The following GOPC variants were observed in gnomAD, a reference collection of about 807,000 sequenced individuals.
GOPC encodes Golgi-associated PDZ and coiled-coil motif-containing protein.
Under a neutral mutation model 51.2 loss-of-function variants are expected in GOPC, and 32 were observed. The observed-to-expected ratio is 0.63, with a 90% CI of 0.47 to 0.84. GOPC has a LOEUF of 0.84. Ranked by LOEUF, GOPC falls within the 40% of genes least tolerant of loss-of-function variation. The pLI is 0.00. For missense variants in GOPC, 441 were observed against 555.5 expected, an observed-to-expected ratio of 0.79 and a Z score of 2.07; for synonymous variants, 190 against 205.1, an observed-to-expected ratio of 0.93 and a Z score of 0.63.
intron 8 of GOPC, among the ~76,000 whole-genome samples, 180 bp downstream of exon 8, chr6:117,566,674 G>A (rs1779703646): frequency 6.6e-6 from 1 of 152,050 alleles, no homozygotes; most frequent in African/African-American, 2.4e-5. Context: ...GAATATAGAA[G>A]AACATATATG....
chr6:117,591,317 C>G (rs1164614168), intron 1 of GOPC, among the ~76,000 whole-genome samples: 1 of 152,164 alleles, frequency 6.6e-6, no homozygotes, highest in Non-Finnish European at 1.5e-5. Context: ...AATAAGTTCA[C>G]AAAAAGATAA....
At chr6:117,574,460 A>AC (rs1473854953) in intron 4 of GOPC, among the ~76,000 whole-genome samples, 9 of 152,200 alleles carry the variant, frequency 5.9e-5, no homozygotes, top group Non-Finnish European at 8.8e-5. Flanking sequence ...ATTGTCATTA[A>AC]CTAAATACCA....
intron 1 of GOPC, among the ~76,000 whole-genome samples, chr6:117,596,886 T>C (rs1780205234): frequency 6.6e-6 from 1 of 152,166 alleles, no homozygotes; most frequent in Non-Finnish European, 1.5e-5. Flanking sequence ...TTTGGTTCCA[T>C]ATGAATTTTA....
chr6:117,575,076 C>T (rs544268002), intron 4 of GOPC, 101 bp downstream of exon 4: 1 of 954,208 alleles, frequency 1.0e-6, no homozygotes, highest in East Asian at 2.6e-5. Context: ...AAGACTCCAT[C>T]TCAAAAAAAT....
At chr6:117,582,200 A>G (rs1320256910) in intron 1 of GOPC, among the ~76,000 whole-genome samples, 1 of 147,798 alleles carries the variant, frequency 6.8e-6, no homozygotes, top group South Asian at 2.2e-4. Flanking sequence ...AGAGTTGTCC[A>G]TATTTTTCTT....
chr6:117,588,931 G>A (rs1780073023), intron 1 of GOPC, among the ~76,000 whole-genome samples: 1 of 152,038 alleles, frequency 6.6e-6, no homozygotes, highest in African/African-American at 2.4e-5. Context: ...AGGCTCATGT[G>A]GCTCCACCAT....
intron 1 of GOPC, among the ~76,000 whole-genome samples, chr6:117,601,178 TGTTA>T (rs1229207297): frequency 6.6e-6 from 1 of 152,192 alleles, no homozygotes; most frequent in Non-Finnish European, 1.5e-5. Context: ...TATGCAATAA[TGTTA>T]ATCTATCTTG....
chr6:117,597,966 C>T (rs1363550345), intron 1 of GOPC, among the ~76,000 whole-genome samples: 1 of 151,522 alleles, frequency 6.6e-6, no homozygotes, highest in Non-Finnish European at 1.5e-5. Context: ...TGAAATCCTG[C>T]ATTGAAGACC....
At chr6:117,588,461 A>C (rs2114623002) in intron 1 of GOPC, among the ~76,000 whole-genome samples, 1 of 152,134 alleles carries the variant, frequency 6.6e-6, no homozygotes, top group East Asian at 1.9e-4. Context: ...TTTTTAGTAG[A>C]GATGGGGTTT....
chr6:117,562,064 G>A lies in GOPC; in HGVS notation c.*1190C>T, dbSNP rs1226678252. 4.8e-6 allele frequency: 1 copy of A among 206,442 alleles called. No homozygotes were observed. The highest frequency in any genetic ancestry group is 9.9e-6 in the Non-Finnish European group (1 of 101,070). 12.8% of individuals were successfully genotyped at this position (206,442 alleles called of 1,614,324 possible). A position where few individuals can be genotyped will look rare whatever the true frequency, so the allele number is the denominator to read the frequency against. On this transcript the variant is annotated 3_prime_UTR_variant, in exon 9 of 9. Transcript: ENST00000368498. The stretch of plus-strand genomic sequence containing the variant: ...AAAGCTATCACCTCTTTAATGCAAT[G>A]TTGTGACTTTGCCTAGCAGGTTACA...
At chr6:117,584,327 C>G (rs914158540) in intron 1 of GOPC, among the ~76,000 whole-genome samples, 18 of 152,220 alleles carry the variant, frequency 1.2e-4, no homozygotes, top group African/African-American at 4.1e-4. Flanking sequence ...ATTGAGGGCT[C>G]TGTCCTACAA....
intron 1 of GOPC, among the ~76,000 whole-genome samples, 195 bp downstream of exon 1, chr6:117,601,809 C>T (rs759399851): frequency 2.6e-5 from 4 of 152,090 alleles, no homozygotes; most frequent in African/African-American, 9.7e-5. Flanking sequence ...GACAGTACCC[C>T]GGGAACTCAC....
chr6:117,575,356 T>C lies in GOPC; in HGVS notation c.475-4A>G, dbSNP rs374383649. On this transcript the variant is annotated splice_region_variant and splice_polypyrimidine_tract_variant and intron_variant, in intron 3 of 8. Transcript: ENST00000368498. ...TGTTTGCCTCAAGCTCTCTTTCCTA[T>C]GTAATTTTTAAAAGCATATAATTTA... 363 of 1,585,980 alleles carry C rather than the reference T, an allele frequency of 2.3e-4. No homozygotes were observed. The highest frequency in any genetic ancestry group is 2.9e-4 in the Non-Finnish European group (340 of 1,165,450).
At chr6:117,568,338 T>G (rs1779740572) in intron 7 of GOPC, among the ~76,000 whole-genome samples, 2 of 152,214 alleles carry the variant, frequency 1.3e-5, no homozygotes, top group African/African-American at 4.8e-5. Flanking sequence ...TTGCCTTTGC[T>G]CAAAAGAAAA....
intron 1 of GOPC, among the ~76,000 whole-genome samples, chr6:117,586,472 ATTC>A (rs1339326763): frequency 8.4e-6 from 1 of 119,526 alleles, no homozygotes. Flanking sequence ...CATCACAGAG[ATTC>A]TTTTTTTTTT....
chr6:117,579,176 A>G, intron 1 of GOPC, 112 bp from the exon 2 acceptor site: 1 of 782,824 alleles, frequency 1.3e-6, no homozygotes, highest in South Asian at 2.0e-5. Context: ...TAAATACACA[A>G]ACATTAGAAT....
At chr6:117,563,443 C>T in intron 8 of GOPC, 59 bp from the exon 9 acceptor site, 2 of 1,547,074 alleles carry the variant, frequency 1.3e-6, no homozygotes, top group Non-Finnish European at 8.9e-7. Flanking sequence ...TGGTTTTGGT[C>T]AGGTGCAGTG....
intron 8 of GOPC, among the ~76,000 whole-genome samples, chr6:117,563,789 G>T (rs1418345204): frequency 6.6e-6 from 1 of 151,400 alleles, no homozygotes; most frequent in Non-Finnish European, 1.5e-5. Context: ...ACAAAGGAAT[G>T]CCCAAGTAAT....
At chr6:117,583,013 G>A (rs1360234706) in intron 1 of GOPC, among the ~76,000 whole-genome samples, 2 of 152,026 alleles carry the variant, frequency 1.3e-5, no homozygotes, top group Non-Finnish European at 2.9e-5. Flanking sequence ...CTGGAGCCTT[G>A]GGATCGCAGG....
Sources: gnomAD v4.1 joint callset for allele counts (sites outside exome capture counted in the v4.1 genomes callset) on GRCh38, gnomAD v4.1.1 for gene constraint, MANE v1.5 for transcripts, NCBI Gene and HGNC (gene_info 2026-07-23, HGNC 2026-07-21) for gene names.